Variants in RNLS observed in about 807,000 individuals in gnomAD.
RNLS encodes the protein renalase.
Under a neutral mutation model 39.8 loss-of-function variants are expected in RNLS, and 39 were observed. The observed-to-expected ratio is 0.98, with a 90% CI of 0.76 to 1.28. RNLS has a LOEUF of 1.28. RNLS is among the 50% of genes most tolerant of loss of function. The pLI is 0.00. For missense variants in RNLS, 410 were observed against 413.3 expected (o/e 0.99, Z 0.07); for synonymous variants, 147 against 150.7 (o/e 0.98, Z 0.18).
chr10:88,205,908 A>G, the RNLS span, among the ~76,000 whole-genome samples: 5 of 152,168 alleles, frequency 3.3e-5, no homozygotes, highest in African/African-American at 9.7e-5. Flanking sequence ...TGTTCATAGG[A>G]TTCCAGGGCT....
intron 4 of RNLS, among the ~76,000 whole-genome samples, chr10:88,528,368 T>C (rs972725155): frequency 7.2e-5 from 11 of 152,154 alleles, no homozygotes; most frequent in Non-Finnish European, 1.5e-4. Flanking sequence ...GTGGAAAATG[T>C]ATGTCCTATG....
chr10:88,256,418 C>T, the RNLS span, among the ~76,000 whole-genome samples: 1 of 152,196 alleles, frequency 6.6e-6, no homozygotes, highest in African/African-American at 2.4e-5. Flanking sequence ...TCGGACAACT[C>T]CCTGAGGAGG....
At chr10:88,307,491 C>T (rs575791000) in intron 6 of RNLS, among the ~76,000 whole-genome samples, 4 of 152,128 alleles carry the variant, frequency 2.6e-5, no homozygotes, top group Admixed American at 2.0e-4. Flanking sequence ...ACAAAATCAA[C>T]GTGCAAAAAT....
At chr10:88,182,301 C>T in the RNLS span, among the ~76,000 whole-genome samples, 2 of 152,100 alleles carry the variant, frequency 1.3e-5, no homozygotes, top group Admixed American at 1.3e-4. Flanking sequence ...ATGTTCCCAG[C>T]TCAAAGCCAG....
At chr10:88,265,557 G>T in the RNLS span, among the ~76,000 whole-genome samples, 1 of 151,994 alleles carries the variant, frequency 6.6e-6, no homozygotes, top group East Asian at 1.9e-4. Flanking sequence ...CTTTGTAGAG[G>T]TCTTTCATGT....
In RNLS at chr10:88,314,574, T is replaced by G. The variant is rs780599626; in HGVS notation, c.768A>C (p.Glu256Asp). 8.7e-6 allele frequency: 14 copies of G among 1,613,976 alleles called. No homozygotes were observed. The South Asian group carries it at 1.3e-4, about 15-fold the overall frequency. Residue 256 changes from glutamate (E) to aspartate (D), a missense_variant, in exon 6 of 7, where the codon GAA (glutamate) becomes GAC (aspartate). By Grantham distance (45) the Glu-to-Asp change is conservative. Coordinates refer to ENST00000331772, the MANE Select transcript of RNLS (RefSeq NM_001031709.3). ...TTVPFGVTYL[E>D]HSIEDVQELV... ...ACTCTTGCACATCCTCAATGCTGTGTTCCAAGTATGTAACTCCAAATGGGA... is the reference window on the plus strand; with the variant it reads ...ACTCTTGCACATCCTCAATGCTGTGGTCCAAGTATGTAACTCCAAATGGGA...
chr10:88,254,911 A>T, the RNLS span, among the ~76,000 whole-genome samples: 1 of 152,246 alleles, frequency 6.6e-6, no homozygotes, highest in Non-Finnish European at 1.5e-5. Context: ...GGGAAGAAAC[A>T]TCATGCCTTC....
At chr10:88,222,347 A>T in the RNLS span, among the ~76,000 whole-genome samples, 1 of 152,234 alleles carries the variant, frequency 6.6e-6, no homozygotes, top group South Asian at 2.1e-4. Flanking sequence ...GGCTAGTAGG[A>T]TGTGATATAC....
intron 4 of RNLS, among the ~76,000 whole-genome samples, chr10:88,415,580 A>G: frequency 6.6e-6 from 1 of 152,182 alleles, no homozygotes; most frequent in East Asian, 1.9e-4. Context: ...ATTATCATTT[A>G]TTGGTTATGT....
At chr10:88,467,028 TG>T (rs1382555501) in intron 4 of RNLS, among the ~76,000 whole-genome samples, 1 of 152,212 alleles carries the variant, frequency 6.6e-6, no homozygotes, top group Admixed American at 6.6e-5. Flanking sequence ...ATGGAAATGC[TG>T]TCCGAGAGTT....
intron 4 of RNLS, among the ~76,000 whole-genome samples, chr10:88,481,863 C>A (rs1652629735): frequency 1.3e-5 from 2 of 152,076 alleles, no homozygotes; most frequent in Admixed American, 6.6e-5. Flanking sequence ...TTGGTATTCT[C>A]ATAAGACAGG....
chr10:88,202,058 T>C, the RNLS span, among the ~76,000 whole-genome samples: 3 of 152,104 alleles, frequency 2.0e-5, no homozygotes, highest in South Asian at 6.2e-4. Flanking sequence ...CAAATGTCCA[T>C]CAACGATAGA....
chr10:88,347,478 C>T (rs1272844468), intron 5 of RNLS, among the ~76,000 whole-genome samples: 4 of 152,018 alleles, frequency 2.6e-5, no homozygotes, highest in Admixed American at 6.6e-5. Flanking sequence ...AAATAGATGT[C>T]GATATTGCCA....
intron 4 of RNLS, among the ~76,000 whole-genome samples, chr10:88,460,794 C>T (rs1207923246): frequency 1.3e-5 from 2 of 152,148 alleles, no homozygotes; most frequent in African/African-American, 4.8e-5. Context: ...TCCATTTGAC[C>T]TCTTTTCATC....
Position 88,446,655 on chromosome 10 carries a change from G to A in RNLS, c.527-83930C>T, listed in dbSNP as rs186976376. Among the ~76,000 whole-genome samples, 111 of 152,080 alleles carry A rather than the reference G, an allele frequency of 7.3e-4. 1 individual carries two copies. The highest frequency in any genetic ancestry group is 6.9e-3 in the South Asian group (33 of 4,812). ...ATATCACCACCGATCCCACAGAAATGCAAACTACCATCAGAGAATACTATA... is the reference window on the plus strand; with the variant it reads ...ATATCACCACCGATCCCACAGAAATACAAACTACCATCAGAGAATACTATA... On this transcript the variant is annotated intron_variant, in intron 4 of 6. Transcript: ENST00000331772.
chr10:88,392,726 G>A (rs920805891), intron 4 of RNLS, among the ~76,000 whole-genome samples: 2 of 152,150 alleles, frequency 1.3e-5, no homozygotes, highest in South Asian at 2.1e-4. Context: ...TTAAAATGTA[G>A]TTTCAACAAA....
At chr10:88,282,532 G>A (rs1843057651), downstream of RNLS, among the ~76,000 whole-genome samples, 1 of 145,778 alleles carries the variant, frequency 6.9e-6, no homozygotes, top group Admixed American at 6.9e-5. Context: ...CACACGCTTG[G>A]ATGAGTATAA....
chr10:88,242,871 TG>T, the RNLS span, among the ~76,000 whole-genome samples: 4 of 152,074 alleles, frequency 2.6e-5, no homozygotes, highest in Non-Finnish European at 4.4e-5. Context: ...TGCTTGAACC[TG>T]GGAGGTGGAG....
chr10:88,430,888 G>A (rs906056615), intron 4 of RNLS, among the ~76,000 whole-genome samples: 4 of 151,516 alleles, frequency 2.6e-5, no homozygotes, highest in African/African-American at 7.3e-5. Context: ...TTGCTACAAT[G>A]TTTTTCAGAA....
Sources: gnomAD v4.1 joint callset for allele counts (sites outside exome capture counted in the v4.1 genomes callset) on GRCh38, gnomAD v4.1.1 for gene constraint, MANE v1.5 for transcripts, NCBI Gene and HGNC (gene_info 2026-07-23, HGNC 2026-07-21) for gene names.